The following CACNA2D3 variants were observed in gnomAD, a reference collection of about 807,000 sequenced individuals.
The protein encoded by CACNA2D3 is calcium voltage-gated channel auxiliary subunit alpha2delta 3.
Under a neutral mutation model 160.6 loss-of-function variants are expected in CACNA2D3, and 60 were observed. The observed-to-expected ratio is 0.37, with a 90% CI of 0.30 to 0.46. CACNA2D3 has a LOEUF of 0.46. Among genes scored for constraint, CACNA2D3 ranks in the 20% least tolerant of loss-of-function variants. The probability of loss-of-function intolerance (pLI) is 1.00; values close to 1 mark genes in which losing one functional copy is unlikely to be tolerated. For missense variants in CACNA2D3, 1,205 were observed against 1,365.0 expected (o/e 0.88, Z 1.85); for synonymous variants, 558 against 492.9 (o/e 1.13, Z -1.75).
intron 18 of CACNA2D3, 179 bp from the exon 19 acceptor site, chr3:54,878,839 T>A: frequency 2.2e-6 from 1 of 447,450 alleles, no homozygotes; most frequent in Non-Finnish European, 3.9e-6. Flanking sequence ...GGTCATTTAT[T>A]TATTGTTGTT....
chr3:54,498,043 G>GC (rs762915924), intron 4 of CACNA2D3, among the ~76,000 whole-genome samples: 1 of 141,916 alleles, frequency 7.0e-6, no homozygotes, highest in East Asian at 2.0e-4. Context: ...TTGGCATATA[G>GC]TTTTTTTTTT....
chr3:54,691,040 G>T (rs1474112525), intron 11 of CACNA2D3, among the ~76,000 whole-genome samples: 1 of 152,144 alleles, frequency 6.6e-6, no homozygotes, highest in Non-Finnish European at 1.5e-5. Context: ...GTGTGTGCGT[G>T]TGTCTGTGTG....
intron 26 of CACNA2D3, among the ~76,000 whole-genome samples, chr3:54,899,184 A>G (rs550661571): frequency 1.4e-4 from 22 of 152,330 alleles, no homozygotes; most frequent in African/African-American, 5.3e-4. Context: ...TGGATATTGG[A>G]ACCATTGCTG....
intron 4 of CACNA2D3, among the ~76,000 whole-genome samples, chr3:54,392,868 GA>G (rs1223442992): frequency 6.6e-6 from 1 of 152,086 alleles, no homozygotes; most frequent in African/African-American, 2.4e-5. Context: ...CATCCACTAG[GA>G]AAAGGAAGCC....
intron 5 of CACNA2D3, among the ~76,000 whole-genome samples, chr3:54,542,943 T>TG (rs1270307299): frequency 6.6e-6 from 1 of 152,198 alleles, no homozygotes; most frequent in Admixed American, 6.5e-5. Context: ...GAATGAGGTT[T>TG]GGGGGAATTA....
At chr3:54,780,475 G>A in intron 13 of CACNA2D3, among the ~76,000 whole-genome samples, 1 of 152,336 alleles carries the variant, frequency 6.6e-6, no homozygotes, top group Admixed American at 6.5e-5. Flanking sequence ...TCTTGCTAAA[G>A]ATATGGTTTA....
chr3:54,155,348 A>G (rs1700227670), intron 2 of CACNA2D3, among the ~76,000 whole-genome samples: 1 of 152,208 alleles, frequency 6.6e-6, no homozygotes. Context: ...GACTGTATTC[A>G]TTCTGGCTCC....
chr3:54,316,738 A>G (rs751646427), intron 2 of CACNA2D3, among the ~76,000 whole-genome samples: 3 of 152,228 alleles, frequency 2.0e-5, no homozygotes, highest in Non-Finnish European at 2.9e-5. Flanking sequence ...TTCTGTTCAC[A>G]GAGCAGACTC....
chr3:54,246,355 C>T (rs1438727926), intron 2 of CACNA2D3, among the ~76,000 whole-genome samples: 1 of 152,042 alleles, frequency 6.6e-6, no homozygotes, highest in Non-Finnish European at 1.5e-5. Flanking sequence ...GTTCTTTTTG[C>T]CCAGATGCTC....
In CACNA2D3 at chr3:54,440,292, T is replaced by A. The variant is rs145014351; in HGVS notation, c.381+53518T>A. ...TAGGAGGGATATAAGCAGTAGTAGT[T>A]GTTTTTCTTTAAGGCTCAGATGAAA... On this transcript the variant is annotated intron_variant, in intron 4 of 37. Coordinates refer to ENST00000474759, the MANE Select transcript of CACNA2D3 (RefSeq NM_018398.3). 4.2e-3 allele frequency among the ~76,000 whole-genome samples: 643 copies of A among 152,258 alleles called. 4 individuals carry two copies. The highest frequency in any genetic ancestry group is 0.015 in the African/African-American group (612 of 41,536).
At chr3:54,515,199 T>TGTGAGAGA (rs1553706902) in intron 5 of CACNA2D3, among the ~76,000 whole-genome samples, 2 of 143,598 alleles carry the variant, frequency 1.4e-5, no homozygotes, top group Non-Finnish European at 3.0e-5. Flanking sequence ...TGTGTGTGTG[T>TGTGAGAGA]GAGAGAGAGA....
chr3:54,314,841 C>A (rs377757968), intron 2 of CACNA2D3, among the ~76,000 whole-genome samples: 1 of 152,356 alleles, frequency 6.6e-6, no homozygotes, highest in East Asian at 1.9e-4. Context: ...GTGCTGGAGA[C>A]AGGATGCAAA....
At position 54,832,013 on chromosome 3, in the gene CACNA2D3, A is replaced by ATACACACAG. The variant is rs397942623; in HGVS notation, c.1399-5146_1399-5145insTACACACAG. ...CCTCTTTATCTCTCTCTTCTCTGTC[A>ATACACACAG]CACACACACACACACACACACACAC... On this transcript the variant is annotated intron_variant, in intron 14 of 37. Coordinates refer to ENST00000474759, the MANE Select transcript of CACNA2D3 (RefSeq NM_018398.3). Among the ~76,000 whole-genome samples, 257 of 43,644 alleles carry ATACACACAG rather than the reference A, an allele frequency of 5.9e-3. 2 individuals are homozygous for ATACACACAG. The highest frequency in any genetic ancestry group is 0.013 in the African/African-American group (206 of 15,802). The allele number at this position is 43,644 out of a possible 152,430, so 28.6% of individuals were successfully genotyped here.
chr3:54,440,986 C>A (rs1350563461), intron 4 of CACNA2D3, among the ~76,000 whole-genome samples: 1 of 152,034 alleles, frequency 6.6e-6, no homozygotes, highest in Admixed American at 6.5e-5. Flanking sequence ...ATTTATAGTC[C>A]TTTGGGTAAA....
intron 4 of CACNA2D3, among the ~76,000 whole-genome samples, chr3:54,471,327 GA>G (rs1475939609): frequency 1.3e-5 from 2 of 152,176 alleles, no homozygotes; most frequent in African/African-American, 4.8e-5. Context: ...AATCAAGGCA[GA>G]AATATATAAG....
chr3:54,249,802 T>C (rs1702152261), intron 2 of CACNA2D3, among the ~76,000 whole-genome samples: 1 of 152,112 alleles, frequency 6.6e-6, no homozygotes, highest in Admixed American at 6.6e-5. Flanking sequence ...TATTTCTTTT[T>C]TTGTCTTTTA....
intron 2 of CACNA2D3, among the ~76,000 whole-genome samples, chr3:54,173,509 A>G (rs547318728): frequency 1.7e-4 from 26 of 152,338 alleles, no homozygotes; most frequent in African/African-American, 6.3e-4. Context: ...ACACAGAACC[A>G]GGCTGCTTGC....
chr3:54,626,230 C>T, intron 9 of CACNA2D3: 1 of 967,126 alleles, frequency 1.0e-6, no homozygotes, highest in Non-Finnish European at 1.6e-6. Context: ...AGAAGTAGAG[C>T]AGAAGAAGCA....
At chr3:54,725,009 T>C (rs531139337) in intron 11 of CACNA2D3, among the ~76,000 whole-genome samples, 48 of 152,128 alleles carry the variant, frequency 3.2e-4, no homozygotes, top group Admixed American at 1.0e-3. Context: ...AGAAAATAGA[T>C]AGACTCCTAG....
Sources: allele counts gnomAD v4.1 joint callset (sites outside exome capture counted in the v4.1 genomes callset), GRCh38; gene constraint gnomAD v4.1.1; transcripts MANE v1.5; gene names NCBI Gene and HGNC (gene_info 2026-07-23, HGNC 2026-07-21).